The following PLEKHM2 variants were observed in gnomAD, a reference collection of about 807,000 sequenced individuals.
PLEKHM2 encodes pleckstrin homology and RUN domain containing M2.
PLEKHM2 carries 77 observed loss-of-function variants against 116.3 expected under a neutral mutation model. That is an observed-to-expected ratio of 0.66 (90% CI 0.55 to 0.80). The LOEUF is 0.80. Among genes scored for constraint, PLEKHM2 ranks in the 30% least tolerant of loss-of-function variants. PLEKHM2 has a pLI of 0.00. For synonymous variants in PLEKHM2, 562 were observed against 571.0 expected, an observed-to-expected ratio of 0.98 and a Z score of 0.22; for missense variants, 1,183 against 1,354.9, an observed-to-expected ratio of 0.87 and a Z score of 1.99.
chr1:15,689,339 C>T lies in PLEKHM2; in HGVS notation c.60+4721C>T, dbSNP rs529749577. ...AGACAGAAGAAACAGCCTAGGCATC[C>T]CCAAGGAAGTGGGGCCTTCCAGATG... On this transcript the variant is annotated intron_variant, in intron 1 of 19. Coordinates refer to ENST00000375799, the MANE Select transcript of PLEKHM2 (RefSeq NM_015164.4). 4.6e-5 allele frequency among the ~76,000 whole-genome samples: 7 copies of T among 152,174 alleles called. No individual in the cohort carries two copies. In the South Asian group the frequency reaches 1.5e-3, roughly 32 times the overall value.
intron 1 of PLEKHM2, among the ~76,000 whole-genome samples, chr1:15,697,413 T>G (rs879796255): frequency 1.3e-5 from 2 of 152,222 alleles, no homozygotes; most frequent in African/African-American, 2.4e-5. Flanking sequence ...TCAATCCCTG[T>G]GCTGAGTTCT....
chr1:15,729,998 C>T lies in PLEKHM2; in HGVS notation c.2208+69C>T, dbSNP rs766068049. 3.2e-5 allele frequency: 38 copies of T among 1,186,640 alleles called. No homozygotes were observed. Among genetic ancestry groups the T allele is most frequent in the Non-Finnish European group, 3.8e-5 (34 of 897,538 alleles). The allele number at this position is 1,186,640 out of a possible 1,614,324, so 73.5% of individuals were successfully genotyped here. A position where few individuals can be genotyped will look rare whatever the true frequency, so the allele number is the denominator to read the frequency against. ...AGAGCAGCAGCCGCCTTGGCGTGAG[C>T]GTTAAGGGATGCACGTGGATGTCTT... is the stretch of plus-strand genomic sequence containing the variant. On this transcript the variant is annotated intron_variant, in intron 14 of 19. Coordinates refer to ENST00000375799, the MANE Select transcript of PLEKHM2 (RefSeq NM_015164.4). The surrounding 1 kb of genome is among the most constrained non-coding windows in gnomAD (Gnocchi z 4.7).
At chr1:15,708,164 C>T (rs769107811) in intron 1 of PLEKHM2, among the ~76,000 whole-genome samples, 3 of 151,462 alleles carry the variant, frequency 2.0e-5, no homozygotes, top group Non-Finnish European at 4.4e-5. Context: ...GGATTACCAG[C>T]GTGAGCCACT....
At chr1:15,720,782 C>CT (rs1170582977) in intron 6 of PLEKHM2, 3 of 152,362 alleles carry the variant, frequency 2.0e-5, no homozygotes, top group Non-Finnish European at 1.5e-5. Flanking sequence ...CCCTCTCAAA[C>CT]TTGCTGTTAG....
chr1:15,715,589 C>G (rs1211435352), intron 1 of PLEKHM2, among the ~76,000 whole-genome samples: 1 of 152,064 alleles, frequency 6.6e-6, no homozygotes, highest in Non-Finnish European at 1.5e-5. Flanking sequence ...TGCAGTGAGC[C>G]GAGATCATGC....
At position 15,727,386 on chromosome 1, in the gene PLEKHM2, G is replaced by T. The variant is rs983518580; in HGVS notation, c.1314G>T (p.Arg438=). Residue 438 remains arginine, a synonymous_variant, in exon 9 of 20, where the codon CGG becomes CGT. Transcript: ENST00000375799. This position sits in a 1 kb window ranked among gnomAD's most constrained non-coding sequence, Gnocchi z 7.5. The part of the protein sequence containing the change: ...SRAEPPDQSF[R]TGSPGDAPER... ...CTGAGCCCCCAGACCAGTCCTTTCG[G>T]ACCGGCTCTCCCGGGGATGCCCCGG... is the stretch of plus-strand genomic sequence containing the variant. The T allele has an allele frequency of 2.5e-6, 4 of 1,602,790 alleles. No individual in the cohort carries two copies. The highest frequency in any genetic ancestry group is 3.4e-6 in the Non-Finnish European group (4 of 1,175,504).
intron 3 of PLEKHM2, among the ~76,000 whole-genome samples, chr1:15,717,486 A>G (rs901156140): frequency 1.3e-5 from 2 of 152,156 alleles, no homozygotes; most frequent in East Asian, 3.8e-4. Context: ...TTCTCCCCAC[A>G]TATGATGGTT....
At chr1:15,730,036 A>C in intron 14 of PLEKHM2, 107 bp downstream of exon 14, 3 of 311,814 alleles carry the variant, frequency 9.6e-6, no homozygotes, top group Non-Finnish European at 1.1e-5. Flanking sequence ...CCATTTCACA[A>C]TCGCCTACCT....
chr1:15,688,819 C>T (rs1243438886), intron 1 of PLEKHM2, among the ~76,000 whole-genome samples: 1 of 152,114 alleles, frequency 6.6e-6, no homozygotes, highest in Non-Finnish European at 1.5e-5. Context: ...ATTTTTGAAT[C>T]AGCATGTGGT....
intron 16 of PLEKHM2, 119 bp from the exon 17 acceptor site, chr1:15,731,770 C>T (rs2068145842): frequency 1.2e-6 from 1 of 835,180 alleles, no homozygotes; most frequent in Non-Finnish European, 1.8e-6. Flanking sequence ...CTGGTATCCT[C>T]CAGCCCCCAA....
At chr1:15,687,870 G>A (rs555307285) in intron 1 of PLEKHM2, among the ~76,000 whole-genome samples, 2 of 152,076 alleles carry the variant, frequency 1.3e-5, no homozygotes, top group Non-Finnish European at 2.9e-5. Context: ...ACCAGTAAAT[G>A]GTCTTACTGG....
chr1:15,730,477 A>T, intron 14 of PLEKHM2, 55 bp from the exon 15 acceptor site: 1 of 1,390,018 alleles, frequency 7.2e-7, no homozygotes, highest in Non-Finnish European at 9.6e-7. Flanking sequence ...GGGCTCAGCC[A>T]CCTGCCTGGC....
intron 4 of PLEKHM2, 132 bp downstream of exon 4, chr1:15,718,124 TA>T: frequency 1.5e-6 from 1 of 657,094 alleles, no homozygotes; most frequent in Admixed American, 2.4e-5. Context: ...ACCTTGCCAG[TA>T]GCTGGGTAGC....
intron 19 of PLEKHM2, among the ~76,000 whole-genome samples, chr1:15,733,068 G>A (rs2068169802): frequency 6.6e-6 from 1 of 152,252 alleles, no homozygotes; most frequent in Non-Finnish European, 1.5e-5. Flanking sequence ...AGCCCCGGTG[G>A]TTCTGCCTCT....
In PLEKHM2 at chr1:15,728,683, C is replaced by T; in HGVS notation, c.1936C>T (p.Pro646Ser). The T allele has an allele frequency of 1.2e-6, 2 of 1,611,494 alleles. No homozygotes were observed. The highest frequency in any genetic ancestry group is 1.7e-6 in the Non-Finnish European group (2 of 1,178,816). The change falls in exon 12 of 20, where the codon CCA (proline) becomes TCA (serine). Residue 646 changes from proline (P) to serine (S), a missense_variant. By Grantham distance (74) the Pro-to-Ser change is moderately conservative (BLOSUM62 -1). Transcript: ENST00000375799. The surrounding 1 kb of genome is among the most constrained non-coding windows in gnomAD (Gnocchi z 5.9). ...TCCTCTCTCAGGGGCCACAGAGAAG[C>T]CATACCTGGTGGAAGAGGCCGTTTC... ...YLLRKGATEKPYLVEEAVSYN... is the reference protein window; with the variant it reads ...YLLRKGATEKSYLVEEAVSYN...
chr1:15,682,202 A>C (rs192641515), upstream of PLEKHM2, among the ~76,000 whole-genome samples: 16 of 152,072 alleles, frequency 1.1e-4, no homozygotes, highest in East Asian at 2.9e-3. Flanking sequence ...TCTTTAAAAA[A>C]TAATTTAAGG....
At chr1:15,731,795 C>T (rs1018586189) in intron 16 of PLEKHM2, 94 bp from the exon 17 acceptor site, 14 of 1,075,542 alleles carry the variant, frequency 1.3e-5, no homozygotes, top group South Asian at 1.5e-5. Context: ...GTGGGGCAGA[C>T]CCTGTGCCGC....
intron 1 of PLEKHM2, among the ~76,000 whole-genome samples, chr1:15,695,711 C>T (rs1024780644): frequency 6.6e-6 from 1 of 151,974 alleles, no homozygotes; most frequent in African/African-American, 2.4e-5. Flanking sequence ...GGGGTTTCAC[C>T]ATGTTGGCCA....
rs779777450 is a variant in PLEKHM2 at position 15,728,035 on chromosome 1, CG to C, written c.1761-43del. The C allele has an allele frequency of 5.3e-6, 8 of 1,521,246 alleles. No homozygotes were observed. The highest frequency in any genetic ancestry group is 7.2e-6 in the Non-Finnish European group (8 of 1,107,688). The allele number at this position is 1,521,246 out of a possible 1,614,324, so 94.2% of individuals were successfully genotyped here. On this transcript the variant is annotated intron_variant, in intron 9 of 19. Transcript: ENST00000375799. This position sits in a 1 kb window ranked among gnomAD's most constrained non-coding sequence, Gnocchi z 5.9. Reference sequence around the variant, plus strand: ...TGGGGTGGGGTGTGGCCTCTCTCACCGCTGCCTGCCTGACATCTCGCCCTCC... The same window carrying C: ...TGGGGTGGGGTGTGGCCTCTCTCACCCTGCCTGCCTGACATCTCGCCCTCC...
Sources: allele counts gnomAD v4.1 joint callset (sites outside exome capture counted in the v4.1 genomes callset), GRCh38; gene constraint gnomAD v4.1.1; non-coding constraint Gnocchi (gnomAD v3.1); transcripts MANE v1.5; gene names NCBI Gene and HGNC (gene_info 2026-07-23, HGNC 2026-07-21).